Variants in CNTNAP2 observed in about 807,000 individuals in gnomAD.
CNTNAP2 encodes contactin associated protein 2, also known as contactin-associated protein-like 2.
A neutral mutation model predicts 155.2 loss-of-function variants in CNTNAP2; 98 were observed. The observed-to-expected ratio is 0.63, with a 90% CI of 0.54 to 0.75. CNTNAP2 has a LOEUF of 0.75. Among genes scored for constraint, CNTNAP2 ranks in the 30% least tolerant of loss-of-function variants. The pLI, the probability that CNTNAP2 is intolerant of heterozygous loss-of-function variation, is 0.00. For synonymous variants in CNTNAP2, 651 were observed against 631.2 expected, an observed-to-expected ratio of 1.03 and a Z score of -0.47; for missense variants, 1,727 against 1,688.1, an observed-to-expected ratio of 1.02 and a Z score of -0.40.
intron 12 of CNTNAP2, among the ~76,000 whole-genome samples, chr7:147,605,346 T>C (rs537244494): frequency 2.9e-4 from 44 of 152,148 alleles, no homozygotes; most frequent in African/African-American, 1.1e-3. Context: ...TCCCACAAAA[T>C]ATGGGACTGG....
intron 1 of CNTNAP2, among the ~76,000 whole-genome samples, chr7:146,520,809 T>C (rs1308206965): frequency 6.6e-6 from 1 of 151,946 alleles, no homozygotes; most frequent in African/African-American, 2.4e-5. Flanking sequence ...CTATCCTGGA[T>C]GTCTCCAGAA....
At chr7:146,447,067 C>A (rs1372620765) in intron 1 of CNTNAP2, among the ~76,000 whole-genome samples, 1 of 151,930 alleles carries the variant, frequency 6.6e-6, no homozygotes, top group East Asian at 1.9e-4. Flanking sequence ...CTTAGGAAGG[C>A]ACTGGTCAGC....
At chr7:146,957,012 A>G (rs1221551223) in intron 3 of CNTNAP2, among the ~76,000 whole-genome samples, 1 of 152,166 alleles carries the variant, frequency 6.6e-6, no homozygotes, top group African/African-American at 2.4e-5. Flanking sequence ...TGTGAGCATC[A>G]TCATGAACAG....
chr7:147,061,568 G>C (rs1000733271), intron 4 of CNTNAP2, among the ~76,000 whole-genome samples: 1 of 152,174 alleles, frequency 6.6e-6, no homozygotes, highest in Non-Finnish European at 1.5e-5. Flanking sequence ...TGATGCATGT[G>C]TGTATACACT....
chr7:146,928,825 C>T (rs10234105), intron 3 of CNTNAP2, among the ~76,000 whole-genome samples: 6,060 of 152,284 alleles, frequency 0.04, 134 homozygotes, highest in South Asian at 0.074. Flanking sequence ...CACGGAGTCT[C>T]GCTGGTTGCT....
chr7:148,051,247 T>C (rs1802884031), intron 15 of CNTNAP2, among the ~76,000 whole-genome samples: 1 of 152,206 alleles, frequency 6.6e-6, no homozygotes, highest in Non-Finnish European at 1.5e-5. Context: ...AATATCATTT[T>C]TGTATTAAGT....
chr7:147,922,506 A>G (rs1800301290), intron 14 of CNTNAP2, among the ~76,000 whole-genome samples: 1 of 152,220 alleles, frequency 6.6e-6, no homozygotes, highest in South Asian at 2.1e-4. Flanking sequence ...ACTGTGTGAT[A>G]GGAACTTACA....
chr7:147,135,871 T>C (rs1801467649), intron 8 of CNTNAP2, among the ~76,000 whole-genome samples: 1 of 151,682 alleles, frequency 6.6e-6, no homozygotes, highest in Admixed American at 6.6e-5. Context: ...TTCTTTTTCT[T>C]ATTTGAAGTG....
At chr7:147,273,179 A>G (rs1804799388) in intron 8 of CNTNAP2, among the ~76,000 whole-genome samples, 1 of 152,080 alleles carries the variant, frequency 6.6e-6, no homozygotes, top group African/African-American at 2.4e-5. Flanking sequence ...GCGGGATTGA[A>G]TTCACCTTAT....
intron 15 of CNTNAP2, among the ~76,000 whole-genome samples, chr7:148,044,899 C>G (rs997858418): frequency 2.6e-5 from 4 of 152,068 alleles, no homozygotes; most frequent in African/African-American, 9.7e-5. Flanking sequence ...TACTATGTTG[C>G]CCAGACTGGT....
chr7:146,744,825 AC>A (rs1301756487), intron 1 of CNTNAP2, among the ~76,000 whole-genome samples: 7 of 152,212 alleles, frequency 4.6e-5, no homozygotes, highest in Admixed American at 1.3e-4. Context: ...CACAAAAAAA[AC>A]ACAAAGCTTA....
At chr7:147,197,886 A>C (rs1256997882) in intron 8 of CNTNAP2, among the ~76,000 whole-genome samples, 2 of 152,162 alleles carry the variant, frequency 1.3e-5, no homozygotes, top group East Asian at 1.9e-4. Flanking sequence ...TTGTCCAAAA[A>C]TTTTGAGCTC....
chr7:147,622,961 G>A (rs12155322), intron 12 of CNTNAP2, among the ~76,000 whole-genome samples: 1 of 151,854 alleles, frequency 6.6e-6, no homozygotes, highest in Admixed American at 6.6e-5. Context: ...GAAATTAAAA[G>A]GATTATTGGT....
intron 3 of CNTNAP2, among the ~76,000 whole-genome samples, chr7:146,844,338 A>G (rs1803801709): frequency 6.6e-6 from 1 of 152,158 alleles, no homozygotes; most frequent in Non-Finnish European, 1.5e-5. Context: ...GATACTGAGC[A>G]TAATAGAATT....
At chr7:147,255,907 T>A (rs1804314193) in intron 8 of CNTNAP2, among the ~76,000 whole-genome samples, 1 of 151,524 alleles carries the variant, frequency 6.6e-6, no homozygotes, top group Non-Finnish European at 1.5e-5. Context: ...CCAGCTAACT[T>A]TTTTTGTATT....
chr7:147,656,802 T>G (rs920106986), intron 13 of CNTNAP2, among the ~76,000 whole-genome samples: 2 of 152,146 alleles, frequency 1.3e-5, no homozygotes, highest in Non-Finnish European at 1.5e-5. Flanking sequence ...GCCAATAGAT[T>G]TACTCGAAGC....
At chr7:146,494,639 G>A (rs911896520) in intron 1 of CNTNAP2, among the ~76,000 whole-genome samples, 1 of 152,240 alleles carries the variant, frequency 6.6e-6, no homozygotes, top group Non-Finnish European at 1.5e-5. Flanking sequence ...ATGTATGACT[G>A]CTATAGATTC....
chr7:147,237,073 TTTTTTTTTTTTTG>T (rs1285205610), intron 8 of CNTNAP2, among the ~76,000 whole-genome samples: 3 of 59,008 alleles, frequency 5.1e-5, no homozygotes, highest in Admixed American at 2.3e-4. Flanking sequence ...TTTTTTTTTT[TTTTTTTTTTTTTG>T]ACAGTGTCTT....
intron 13 of CNTNAP2, among the ~76,000 whole-genome samples, chr7:147,762,336 CAA>C (rs1797315818): frequency 6.6e-6 from 1 of 151,974 alleles, no homozygotes; most frequent in African/African-American, 2.4e-5. Flanking sequence ...GAATATTAAG[CAA>C]AATTTGGACT....
Sources: gnomAD v4.1 joint callset for allele counts (sites outside exome capture counted in the v4.1 genomes callset) on GRCh38, gnomAD v4.1.1 for gene constraint, MANE v1.5 for transcripts, NCBI Gene and HGNC (gene_info 2026-07-23, HGNC 2026-07-21) for gene names.